ALG12: variants seen among roughly 807,000 people sequenced by gnomAD.
ALG12 encodes dol-P-Man:Man(7)GlcNAc(2)-PP-Dol alpha-1,6-mannosyltransferase.
In ALG12, 36 loss-of-function variants were observed where a neutral mutation model predicts 46.0. That is an observed-to-expected ratio of 0.78 (90% CI 0.60 to 1.03). The LOEUF is 1.03. ALG12 is among the 50% of genes least tolerant of loss of function. The pLI, the probability that ALG12 is intolerant of heterozygous loss-of-function variation, is 0.00. For missense variants in ALG12, 599 were observed against 633.5 expected (o/e 0.95, Z 0.58); for synonymous variants, 326 against 291.6 (o/e 1.12, Z -1.20).
chr22:49,908,180 C>T (rs1046256380), intron 6 of ALG12, among the ~76,000 whole-genome samples: 2 of 152,210 alleles, frequency 1.3e-5, no homozygotes, highest in African/African-American at 2.4e-5. Context: ...CAGGCAGGAC[C>T]AAGGCAGCAA....
At chr22:49,867,158 C>T in the ALG12 span, among the ~76,000 whole-genome samples, 1 of 152,320 alleles carries the variant, frequency 6.6e-6, no homozygotes, top group South Asian at 2.1e-4. Context: ...TTGTTTTTCA[C>T]CCGTGAGTTA....
chr22:49,875,456 T>C, the ALG12 span, among the ~76,000 whole-genome samples: 196 of 151,872 alleles, frequency 1.3e-3, no homozygotes, highest in African/African-American at 4.2e-3. Context: ...AGTCTTGCTC[T>C]GTCACCCAGG....
At chr22:49,898,884 C>T (rs146790235), downstream of ALG12, among the ~76,000 whole-genome samples, 49 of 152,208 alleles carry the variant, frequency 3.2e-4, no homozygotes, top group African/African-American at 1.2e-3. Flanking sequence ...TCTCTAGTAG[C>T]TGGAACTACA....
At chr22:49,883,840 G>C in the ALG12 span, 1 of 1,610,674 alleles carries the variant, frequency 6.2e-7, no homozygotes. Flanking sequence ...GGAGCGAGCG[G>C]GCCTCGGTGG....
At chr22:49,877,901 A>G in the ALG12 span, among the ~76,000 whole-genome samples, 17 of 152,254 alleles carry the variant, frequency 1.1e-4, no homozygotes, top group African/African-American at 4.1e-4. Flanking sequence ...GCGTGTATCC[A>G]TTCATTCTTT....
At chr22:49,885,060 C>T in the ALG12 span, 44 of 1,612,184 alleles carry the variant, frequency 2.7e-5, no homozygotes, top group Non-Finnish European at 3.7e-5. Flanking sequence ...ATCACTTCTC[C>T]CTGGCCCCCA....
the ALG12 span, chr22:49,887,040 A>C: frequency 0.01 from 16,428 of 1,614,066 alleles, 1,107 homozygotes; most frequent in African/African-American, 0.17. Context: ...GCTGCCCCCC[A>C]AGCATCGTCC....
At position 49,902,000 on chromosome 22, in the gene ALG12, T is replaced by A. The variant is rs1372873047; in HGVS notation, c.*1838A>T. 8.4e-6 allele frequency: 1 copy of A among 119,238 alleles called. No individual in the cohort carries two copies. Among genetic ancestry groups the A allele is most frequent in the Non-Finnish European group, 1.7e-5 (1 of 57,798 alleles). The allele number at this position is 119,238 out of a possible 1,614,324, so 7.4% of individuals were successfully genotyped here. On this transcript the variant is annotated 3_prime_UTR_variant, in exon 10 of 10. Transcript: ENST00000330817. ...ATGCATGGTGTGTGCACGTGTGCACTGTGTATGCATGGTAATGTGCACGCG... is the reference window on the plus strand; with the variant it reads ...ATGCATGGTGTGTGCACGTGTGCACAGTGTATGCATGGTAATGTGCACGCG...
chr22:49,871,199 T>A, the ALG12 span, among the ~76,000 whole-genome samples: 2 of 23,602 alleles, frequency 8.5e-5, no homozygotes, highest in Non-Finnish European at 1.7e-4. Flanking sequence ...CGTGAGTCAC[T>A]GTGCCTGGCT....
the ALG12 span, among the ~76,000 whole-genome samples, chr22:49,862,280 C>A: frequency 6.6e-6 from 1 of 152,300 alleles, no homozygotes; most frequent in African/African-American, 2.4e-5. Flanking sequence ...CTCTGTCTTT[C>A]TTATTTTTTG....
At chr22:49,910,794 A>G (rs1298598915) in intron 3 of ALG12, among the ~76,000 whole-genome samples, 187 bp from the exon 4 acceptor site, 1 of 152,172 alleles carries the variant, frequency 6.6e-6, no homozygotes, top group African/African-American at 2.4e-5. Flanking sequence ...AGACGACTGG[A>G]CCCAGGCCCC....
chr22:49,864,904 T>C, the ALG12 span, among the ~76,000 whole-genome samples: 4 of 129,674 alleles, frequency 3.1e-5, no homozygotes, highest in Non-Finnish European at 4.6e-5. Context: ...GTTCAGATGC[T>C]CCTTGATTGA....
At chr22:49,882,675 A>T in the ALG12 span, among the ~76,000 whole-genome samples, 1 of 152,266 alleles carries the variant, frequency 6.6e-6, no homozygotes, top group South Asian at 2.1e-4. Context: ...AGCGTTTACC[A>T]TAGCTGGAAT....
At chr22:49,898,598 C>T (rs2060492803), downstream of ALG12, among the ~76,000 whole-genome samples, 1 of 151,910 alleles carries the variant, frequency 6.6e-6, no homozygotes, top group African/African-American at 2.4e-5. Context: ...CCATGTTGGC[C>T]AGGCTGATCT....
Position 49,917,002 on chromosome 22 carries a change from C to T in ALG12, c.-79+1261G>A, listed in dbSNP as rs78313798. Among the ~76,000 whole-genome samples, 277 of 152,346 alleles carry T rather than the reference C, an allele frequency of 1.8e-3. 1 individual carries two copies. Among genetic ancestry groups the T allele is most frequent in the South Asian group, 4.8e-3 (23 of 4,830 alleles). On this transcript the variant is annotated intron_variant, in intron 1 of 9. Coordinates refer to ENST00000330817, the MANE Select transcript of ALG12 (RefSeq NM_024105.4). ...GCCCCCAGCACCTCCTCGGACCCAA[C>T]AAGGTGTGCCTTCTGCTGATGACCA...
the ALG12 span, chr22:49,883,767 T>C: frequency 2.5e-6 from 4 of 1,613,088 alleles, no homozygotes; most frequent in Admixed American, 1.7e-5. Flanking sequence ...TTCCTCCTGA[T>C]AGTTTGGAAA....
intron 6 of ALG12, among the ~76,000 whole-genome samples, chr22:49,908,948 T>C (rs2060559552): frequency 1.5e-5 from 2 of 129,064 alleles, no homozygotes; most frequent in African/African-American, 3.1e-5. Flanking sequence ...CGAGACTCAG[T>C]CTCAAAAAAA....
the ALG12 span, among the ~76,000 whole-genome samples, chr22:49,879,483 C>G: frequency 6.6e-6 from 1 of 151,720 alleles, no homozygotes; most frequent in Non-Finnish European, 1.5e-5. Context: ...AGGCACACAC[C>G]ACTATATCCG....
At chr22:49,872,612 C>A in the ALG12 span, among the ~76,000 whole-genome samples, 1 of 152,220 alleles carries the variant, frequency 6.6e-6, no homozygotes, top group African/African-American at 2.4e-5. Flanking sequence ...TCACTGCAGT[C>A]TCAACCTCTT....
Sources: allele counts gnomAD v4.1 joint callset (sites outside exome capture counted in the v4.1 genomes callset), GRCh38; gene constraint gnomAD v4.1.1; transcripts MANE v1.5; gene names NCBI Gene and HGNC (gene_info 2026-07-23, HGNC 2026-07-21).